Variants in TRPC5 observed in about 807,000 individuals in gnomAD.
The protein encoded by TRPC5 is short transient receptor potential channel 5.
Under a neutral mutation model 56.5 loss-of-function variants are expected in TRPC5, and 9 were observed. The ratio of observed to expected loss-of-function variants is 0.16; its 90% confidence interval spans 0.10 to 0.28. The LOEUF is 0.28. TRPC5 is among the 10% of genes least tolerant of loss of function. The pLI is 1.00. For missense variants in TRPC5, 469 were observed against 748.9 expected, an observed-to-expected ratio of 0.63 and a Z score of 4.36; for synonymous variants, 282 against 278.5, an observed-to-expected ratio of 1.01 and a Z score of -0.13.
At chrX:111,903,126 G>C (rs181099316) in intron 3 of TRPC5, 2 of 111,376 alleles carry the variant, frequency 1.8e-5, no homozygotes, top group African/African-American at 6.5e-5. Flanking sequence ...GTACTGTAAT[G>C]GTACCTCAGG....
intron 1 of TRPC5, among the ~76,000 whole-genome samples, chrX:112,045,329 A>G (rs967168888): frequency 2.7e-5 from 3 of 111,721 alleles, no homozygotes; most frequent in Non-Finnish European, 5.6e-5. Context: ...GTCACAAGTC[A>G]AAGGAATGCT....
chrX:111,932,739 A>G (rs1286755218), intron 2 of TRPC5, among the ~76,000 whole-genome samples: 1 of 111,949 alleles, frequency 8.9e-6, no homozygotes, highest in Non-Finnish European at 1.9e-5. Context: ...AGAAAAAAAG[A>G]GGGTGGGCAG....
At chrX:111,798,176 A>C (rs976363955) in intron 7 of TRPC5, among the ~76,000 whole-genome samples, 2 of 112,071 alleles carry the variant, frequency 1.8e-5, no homozygotes, top group Non-Finnish European at 3.8e-5. Flanking sequence ...GCACACATAG[A>C]GCATACATGG....
chrX:111,867,409 A>C (rs1297420002), intron 3 of TRPC5, among the ~76,000 whole-genome samples: 2 of 112,106 alleles, frequency 1.8e-5, no homozygotes, highest in Non-Finnish European at 3.8e-5. Flanking sequence ...GAGTCCTAAG[A>C]AAAGGCTGCG....
At chrX:111,984,865 A>G (rs971088868) in intron 1 of TRPC5, among the ~76,000 whole-genome samples, 1 of 112,628 alleles carries the variant, frequency 8.9e-6, no homozygotes, top group Non-Finnish European at 1.9e-5. Context: ...AGAAAAAGAC[A>G]TATGCCAGAC....
chrX:111,806,349 C>T (rs556105158), intron 7 of TRPC5, among the ~76,000 whole-genome samples: 4 of 112,332 alleles, frequency 3.6e-5, no homozygotes, highest in South Asian at 3.7e-4. Context: ...CTAGAGCTAA[C>T]GTCTCATCTG....
At chrX:111,958,479 A>G (rs1343351677) in intron 1 of TRPC5, among the ~76,000 whole-genome samples, 2 of 112,098 alleles carry the variant, frequency 1.8e-5, no homozygotes, top group Admixed American at 1.9e-4. Context: ...TAAGCTCCCA[A>G]TAAATATGTA....
intron 2 of TRPC5, among the ~76,000 whole-genome samples, chrX:111,919,500 G>A (rs1439769914): frequency 8.9e-6 from 1 of 112,209 alleles, no homozygotes; most frequent in East Asian, 2.8e-4. Context: ...AAGTCAGTGA[G>A]ACCATGAACT....
At chrX:112,003,404 A>G (rs1293075897) in intron 1 of TRPC5, among the ~76,000 whole-genome samples, 7 of 111,062 alleles carry the variant, frequency 6.3e-5, no homozygotes, top group Non-Finnish European at 1.3e-4. Flanking sequence ...CTTTCCAAGT[A>G]GAAAGAACAG....
At chrX:111,796,785 C>T (rs926207817) in intron 7 of TRPC5, among the ~76,000 whole-genome samples, 3 of 111,291 alleles carry the variant, frequency 2.7e-5, no homozygotes, top group African/African-American at 9.8e-5. Flanking sequence ...TGTTTCTGGG[C>T]ATGCATACAG....
intron 3 of TRPC5, among the ~76,000 whole-genome samples, chrX:111,856,320 T>A (rs1923226973): frequency 9.1e-6 from 1 of 109,379 alleles, no homozygotes; most frequent in Non-Finnish European, 1.9e-5. Context: ...GGCGGGGAGA[T>A]TGCTTGACGC....
At chrX:112,005,594 C>T (rs1011937604) in intron 1 of TRPC5, among the ~76,000 whole-genome samples, 4 of 110,590 alleles carry the variant, frequency 3.6e-5, no homozygotes, top group African/African-American at 6.6e-5. Context: ...AAAGTGCAGC[C>T]GGAGTTGAGG....
intron 1 of TRPC5, among the ~76,000 whole-genome samples, chrX:111,959,453 C>T (rs758397342): frequency 8.9e-6 from 1 of 111,760 alleles, no homozygotes; most frequent in Admixed American, 9.5e-5. Context: ...AAATGATACA[C>T]TACAAAAAGT....
At chrX:111,823,610 G>C (rs1760786814) in intron 7 of TRPC5, among the ~76,000 whole-genome samples, 1 of 111,231 alleles carries the variant, frequency 9.0e-6, no homozygotes, top group African/African-American at 3.3e-5. Context: ...AGAAGAAACT[G>C]GTTGTGTGAA....
At chrX:111,964,178 C>A (rs201533827) in intron 1 of TRPC5, among the ~76,000 whole-genome samples, 1 of 111,886 alleles carries the variant, frequency 8.9e-6, no homozygotes, top group Non-Finnish European at 1.9e-5. Context: ...GTGAAGAATG[C>A]AGAAGCCTCA....
At chrX:111,871,857 T>G (rs1923773826) in intron 3 of TRPC5, among the ~76,000 whole-genome samples, 1 of 111,669 alleles carries the variant, frequency 9.0e-6, no homozygotes, top group South Asian at 3.8e-4. Context: ...TAGGGCCTAG[T>G]GAAAGGTGTT....
chrX:111,822,935 G>A (rs1922077416), intron 7 of TRPC5, among the ~76,000 whole-genome samples: 1 of 111,416 alleles, frequency 9.0e-6, no homozygotes, highest in African/African-American at 3.3e-5. Context: ...CTGGGATCCG[G>A]AGGAGTAGCT....
intron 1 of TRPC5, among the ~76,000 whole-genome samples, chrX:112,071,300 CCT>C (rs1476106252): frequency 9.8e-6 from 1 of 102,466 alleles, no homozygotes; most frequent in African/African-American, 3.7e-5. Context: ...AGATTGAGAC[CCT>C]GTCTCAAAAA....
intron 1 of TRPC5, among the ~76,000 whole-genome samples, chrX:111,997,596 G>T (rs1004393562): frequency 1.8e-5 from 2 of 111,070 alleles, no homozygotes; most frequent in African/African-American, 6.5e-5. Context: ...TGCCAACTTG[G>T]TTCCATTGTT....
Sources: allele counts gnomAD v4.1 joint callset (sites outside exome capture counted in the v4.1 genomes callset), GRCh38; gene constraint gnomAD v4.1.1; transcripts MANE v1.5; gene names NCBI Gene and HGNC (gene_info 2026-07-23, HGNC 2026-07-21).